Variants in SCEL observed in about 807,000 individuals in gnomAD.
SCEL encodes the protein sciellin.
SCEL carries 113 observed loss-of-function variants against 117.6 expected under a neutral mutation model. That is an observed-to-expected ratio of 0.96 (90% CI 0.83 to 1.12). The LOEUF is 1.12. Among genes scored for constraint, SCEL ranks in the 50% most tolerant of loss-of-function variants. SCEL has a pLI of 0.00. For missense variants in SCEL, 785 were observed against 810.8 expected (o/e 0.97, Z 0.39); for synonymous variants, 270 against 256.2 (o/e 1.05, Z -0.51).
In SCEL at chr13:77,569,384, T is replaced by G; in HGVS notation, c.412T>G (p.Ser138Ala). ...LEVTKLQPGG[S>A]LNANTSNTIA... ...GTCATTAAACAGGCAACCTGGCGGTTCATTGAATGCCAACACCTCCAACAC... is the reference window on the plus strand; with the variant it reads ...GTCATTAAACAGGCAACCTGGCGGTGCATTGAATGCCAACACCTCCAACAC... Residue 138 changes from serine (S) to alanine (A), a missense_variant, in exon 8 of 33, where the codon TCA becomes GCA. Ser to Ala is a moderately conservative substitution (Grantham distance 99). Coordinates refer to ENST00000349847, the MANE Select transcript of SCEL (RefSeq NM_144777.3). The G allele has an allele frequency of 4.3e-6, 7 of 1,613,824 alleles. No homozygotes were observed. The highest frequency in any genetic ancestry group is 5.9e-6 in the Non-Finnish European group (7 of 1,179,698).
intron 1 of SCEL, among the ~76,000 whole-genome samples, chr13:77,553,634 C>G (rs60151859): frequency 0.13 from 20,490 of 151,960 alleles, 1,557 homozygotes; most frequent in Admixed American, 0.18. Flanking sequence ...CTGACACTCC[C>G]GGTGTGCTCA....
chr13:77,638,087 A>G (rs1053295594), intron 30 of SCEL, among the ~76,000 whole-genome samples: 9 of 152,222 alleles, frequency 5.9e-5, no homozygotes, highest in Admixed American at 5.9e-4. Context: ...TGACTCACTC[A>G]AGGTAGAGAT....
At chr13:77,639,090 C>T (rs2090438018) in intron 30 of SCEL, among the ~76,000 whole-genome samples, 1 of 152,066 alleles carries the variant, frequency 6.6e-6, no homozygotes, top group Non-Finnish European at 1.5e-5. Flanking sequence ...CATCTAGTTT[C>T]CCCAGTGGAA....
chr13:77,556,748 G>A (rs1455701555), intron 3 of SCEL, 35 bp downstream of exon 3: 1 of 1,392,956 alleles, frequency 7.2e-7, no homozygotes, highest in Non-Finnish European at 1.0e-6. Flanking sequence ...GTGGACAGAA[G>A]GGCAGAGAGA....
At chr13:77,581,746 C>A (rs750497214) in intron 9 of SCEL, among the ~76,000 whole-genome samples, 2 of 152,146 alleles carry the variant, frequency 1.3e-5, no homozygotes, top group African/African-American at 4.8e-5. Flanking sequence ...GAAGTTCTAT[C>A]GACTAGAGAT....
At chr13:77,562,017 G>A (rs1319635132) in intron 4 of SCEL, among the ~76,000 whole-genome samples, 1 of 152,148 alleles carries the variant, frequency 6.6e-6, no homozygotes, top group Non-Finnish European at 1.5e-5. Context: ...CAATTGGAAA[G>A]TTTGACCATG....
intron 2 of SCEL, 29 bp downstream of exon 2, chr13:77,555,947 G>GA: frequency 6.2e-7 from 1 of 1,601,780 alleles, no homozygotes; most frequent in Non-Finnish European, 8.5e-7. Flanking sequence ...CTCTCACTCA[G>GA]AAAACTTTAA....
At chr13:77,557,958 C>T (rs1593920187) in intron 3 of SCEL, among the ~76,000 whole-genome samples, 1 of 152,142 alleles carries the variant, frequency 6.6e-6, no homozygotes, top group African/African-American at 2.4e-5. Flanking sequence ...AGTATTATTT[C>T]AAGGAAATAT....
intron 1 of SCEL, among the ~76,000 whole-genome samples, chr13:77,551,109 G>A (rs1181596873): frequency 6.6e-6 from 1 of 152,220 alleles, no homozygotes; most frequent in Non-Finnish European, 1.5e-5. Flanking sequence ...GCGTGGCTTG[G>A]TTTAGAAGCC....
At chr13:77,553,101 C>CCTG (rs1300969828) in intron 1 of SCEL, among the ~76,000 whole-genome samples, 2 of 152,104 alleles carry the variant, frequency 1.3e-5, no homozygotes, top group African/African-American at 4.8e-5. Context: ...AATATAGTCA[C>CCTG]CTGCTGAGAT....
chr13:77,587,842 C>A (rs1400202437), intron 9 of SCEL, among the ~76,000 whole-genome samples: 1 of 152,146 alleles, frequency 6.6e-6, no homozygotes, highest in Non-Finnish European at 1.5e-5. Context: ...TTTGTCTCTA[C>A]TTACACTGAC....
At chr13:77,555,116 T>G (rs1379090237) in intron 1 of SCEL, among the ~76,000 whole-genome samples, 1 of 151,748 alleles carries the variant, frequency 6.6e-6, no homozygotes, top group Non-Finnish European at 1.5e-5. Flanking sequence ...AATTTTAAAT[T>G]TGTGTGTGTG....
intron 1 of SCEL, among the ~76,000 whole-genome samples, chr13:77,550,247 G>A (rs2084230451): frequency 6.6e-6 from 1 of 151,778 alleles, no homozygotes; most frequent in Non-Finnish European, 1.5e-5. Flanking sequence ...TTAGCCAGAT[G>A]TGGTGGCACA....
intron 29 of SCEL, 69 bp downstream of exon 29, chr13:77,634,519 G>C (rs2090180737): frequency 8.8e-7 from 1 of 1,139,104 alleles, no homozygotes; most frequent in Non-Finnish European, 1.3e-6. Context: ...TTTAATAAGA[G>C]ATGCTATTGT....
chr13:77,643,310 T>A (rs2090648782), intron 32 of SCEL, among the ~76,000 whole-genome samples: 1 of 152,178 alleles, frequency 6.6e-6, no homozygotes, highest in Non-Finnish European at 1.5e-5. Context: ...TAATTTGCAC[T>A]CTTAATTAGC....
In SCEL at chr13:77,556,167, A is replaced by T. The variant is rs543669652; in HGVS notation, c.43+249A>T. Among the ~76,000 whole-genome samples, 8 of 152,340 alleles carry T rather than the reference A, an allele frequency of 5.3e-5. No individual in the cohort carries two copies. The East Asian group carries it at 1.5e-3, about 29-fold the overall frequency. On this transcript the variant is annotated intron_variant, in intron 2 of 32. Transcript: ENST00000349847. ...ATGACCTTCTTTGTGTTTGGCTCTT[A>T]CAGGATAAAAGAATTAAGTTACTTA...
chr13:77,574,150 CA>C (rs1410559311), intron 9 of SCEL, among the ~76,000 whole-genome samples: 2 of 152,144 alleles, frequency 1.3e-5, no homozygotes, highest in Non-Finnish European at 2.9e-5. Flanking sequence ...TTATAAAAAG[CA>C]ACTGGTTATA....
At chr13:77,590,499 A>T (rs1232769721) in intron 10 of SCEL, among the ~76,000 whole-genome samples, 2 of 152,050 alleles carry the variant, frequency 1.3e-5, no homozygotes, top group Non-Finnish European at 2.9e-5. Flanking sequence ...ATTTGAATAG[A>T]ATTGTTTTAA....
At chr13:77,590,601 C>G (rs543174958) in intron 10 of SCEL, among the ~76,000 whole-genome samples, 140 of 152,052 alleles carry the variant, frequency 9.2e-4, no homozygotes, top group African/African-American at 3.2e-3. Flanking sequence ...TTAAAGGAAG[C>G]TAAATTTCAC....
Sources: gnomAD v4.1 joint callset for allele counts (sites outside exome capture counted in the v4.1 genomes callset) on GRCh38, gnomAD v4.1.1 for gene constraint, MANE v1.5 for transcripts, NCBI Gene and HGNC (gene_info 2026-07-23, HGNC 2026-07-21) for gene names.